The following HRC variants were observed in gnomAD, a reference collection of about 807,000 sequenced individuals.
The protein encoded by HRC is sarcoplasmic reticulum histidine-rich calcium-binding protein.
HRC carries 41 observed loss-of-function variants against 61.4 expected under a neutral mutation model. The observed-to-expected ratio is 0.67, with a 90% CI of 0.52 to 0.87. The LOEUF (loss-of-function observed/expected upper bound fraction) is 0.87. HRC is among the 40% of genes least tolerant of loss of function. HRC has a pLI of 0.00. For missense variants in HRC, 839 were observed against 885.8 expected (o/e 0.95, Z 0.67); for synonymous variants, 308 against 326.6 (o/e 0.94, Z 0.62).
Position 49,153,788 on chromosome 19 carries a change from C to T in HRC, c.1450G>A (p.Glu484Lys), listed in dbSNP as rs776405960. Reference sequence around the variant, plus strand: ...GGGTCCTCTTCCTTCTCCTTTTCCTCCTCAGAATCATCCTTCCTCAAATGG... The same window carrying T: ...GGGTCCTCTTCCTTCTCCTTTTCCTTCTCAGAATCATCCTTCCTCAAATGG... ...RSHLRKDDSE[E>K]EKEKEEDPGS... The change falls in exon 1 of 6, where the codon GAG (glutamate) becomes AAG (lysine). Residue 484 changes from glutamate to lysine, a missense_variant. By Grantham distance (56) the Glu-to-Lys change is moderately conservative (BLOSUM62 1). Coordinates refer to ENST00000252825, the MANE Select transcript of HRC (RefSeq NM_002152.3). This position sits in a 1 kb window ranked among gnomAD's most constrained non-coding sequence, Gnocchi z 4.8. The T allele has an allele frequency of 1.9e-6, 3 of 1,614,170 alleles. No homozygotes were observed. In the South Asian group the frequency reaches 3.3e-5, roughly 18 times the overall value.
chr19:49,152,148 C>A, intron 3 of HRC, 90 bp from the exon 4 acceptor site: 1 of 1,321,652 alleles, frequency 7.6e-7, no homozygotes. Context: ...GGACCAGAGG[C>A]TAGGTCTAGG....
Position 49,154,637 on chromosome 19 carries a change from C to T in HRC, c.601G>A (p.Glu201Lys). ...TACTCAGTGGAGGCCTCCTCTTCCT[C>T]CTCCTCCTCCTCCTCCTCCTCTTCT... is the stretch of plus-strand genomic sequence containing the variant. ...EGEEEEEEEE[E>K]EEEASTEYGH... is the part of the protein sequence containing the mutation. The change falls in exon 1 of 6, where the codon GAG becomes AAG. Residue 201 changes from glutamate (E) to lysine (K), a missense_variant. Coordinates refer to ENST00000252825, the MANE Select transcript of HRC (RefSeq NM_002152.3). 1.9e-6 allele frequency: 3 copies of T among 1,591,100 alleles called. No homozygotes were observed. The highest frequency in any genetic ancestry group is 1.1e-5 in the South Asian group (1 of 88,778).
chr19:49,151,442 G>A (rs1017555851), intron 5 of HRC, 75 bp downstream of exon 5: 5 of 1,587,800 alleles, frequency 3.1e-6, no homozygotes, highest in Middle Eastern at 1.7e-4. Context: ...GAGTCCCAGA[G>A]TCATCTGATA....
chr19:49,152,045 C>A lies in HRC; in HGVS notation c.1985G>T (p.Cys662Phe), dbSNP rs1365289719. 3 of 1,614,072 alleles carry A rather than the reference C, an allele frequency of 1.9e-6. No individual in the cohort carries two copies. Among genetic ancestry groups the A allele is most frequent in the African/African-American group, 2.7e-5 (2 of 74,944 alleles). ...TTCGCAGACCAGCGGGCAGAGATAG[C>A]AGAACTGACAGTGCTGGAGGCGGGG... is the stretch of plus-strand genomic sequence containing the variant. The part of the protein sequence containing the change: ...HCDQCQHCQF[C>F]YLCPLVCETV... The change falls in exon 4 of 6, where the codon TGC (cysteine) becomes TTC (phenylalanine). Residue 662 changes from cysteine (C) to phenylalanine (F), a missense_variant. Physicochemically the swap from Cys to Phe is radical, Grantham distance 205. Transcript: ENST00000252825.
Position 49,151,349 on chromosome 19 carries a change from C to G in HRC, c.2064-17G>C, listed in dbSNP as rs769414879. 40 of 1,556,454 alleles carry G rather than the reference C, an allele frequency of 2.6e-5. No homozygotes were observed. The highest frequency in any genetic ancestry group is 3.5e-5 in the Non-Finnish European group (40 of 1,147,720). ...GCCAGGGCCCTGGAGACGAGAACGCCAGAAGTTAGACAGCTGGTGTTCAAA... is the reference window on the plus strand; with the variant it reads ...GCCAGGGCCCTGGAGACGAGAACGCGAGAAGTTAGACAGCTGGTGTTCAAA... On this transcript the variant is annotated splice_polypyrimidine_tract_variant and intron_variant, in intron 5 of 5. Coordinates refer to ENST00000252825, the MANE Select transcript of HRC (RefSeq NM_002152.3).
chr19:49,154,417 T>G lies in HRC; in HGVS notation c.821A>C (p.Gln274Pro), dbSNP rs770347950. 6.3e-7 allele frequency: 1 copy of G among 1,584,196 alleles called. No homozygotes were observed. ...IEYRHQAHRH[Q>P]GHGIEEDEDV... ...TTCATCCTCTTCAATCCCGTGGCCTTGGTGCCTGTGAGCCTGGTGTCTATA... is the reference window on the plus strand; with the variant it reads ...TTCATCCTCTTCAATCCCGTGGCCTGGGTGCCTGTGAGCCTGGTGTCTATA... The change falls in exon 1 of 6, where the codon CAA becomes CCA. Residue 274 changes from glutamine (Q) to proline (P), a missense_variant. By Grantham distance (76) the Gln-to-Pro change is moderately conservative. Transcript: ENST00000252825.
rs1199947562 is a variant in HRC, at chr19:49,153,746, C to T, written c.1492G>A (p.Asp498Asn). The T allele has an allele frequency of 1.9e-6, 3 of 1,614,190 alleles. No homozygotes were observed. Among genetic ancestry groups the T allele is most frequent in the Non-Finnish European group, 2.5e-6 (3 of 1,180,042 alleles). The change falls in exon 1 of 6, where the codon GAC becomes AAC. Residue 498 changes from aspartate to asparagine, a missense_variant. Physicochemically the swap from Asp to Asn is conservative, Grantham distance 23. Transcript: ENST00000252825. The surrounding 1 kb of genome is among the most constrained non-coding windows in gnomAD (Gnocchi z 4.8). The part of the protein sequence containing the change: ...KEEDPGSHEE[D>N]DESSEQGEKG... Reference sequence around the variant, plus strand: ...TCTCCCTGCTCTGAACTTTCATCGTCTTCCTCATGGGAGCCGGGGTCCTCT... The same window carrying T: ...TCTCCCTGCTCTGAACTTTCATCGTTTTCCTCATGGGAGCCGGGGTCCTCT...
chr19:49,151,236 T>C lies in HRC; in HGVS notation c.*60A>G. 4 of 1,369,732 alleles carry C rather than the reference T, an allele frequency of 2.9e-6. No individual in the cohort carries two copies. The highest frequency in any genetic ancestry group is 4.0e-6 in the Non-Finnish European group (4 of 1,003,782). 84.8% of individuals were successfully genotyped at this position (1,369,732 alleles called of 1,614,324 possible). ...GTTTATTCGGAGAAATAAATATAGC[T>C]CGTGGAAAGGGGTTGGAAGGCAGGG... On this transcript the variant is annotated 3_prime_UTR_variant, in exon 6 of 6. Coordinates refer to ENST00000252825, the MANE Select transcript of HRC (RefSeq NM_002152.3).
At chr19:49,152,241 G>A in intron 3 of HRC, 69 bp downstream of exon 3, 1 of 1,432,454 alleles carries the variant, frequency 7.0e-7, no homozygotes, top group South Asian at 1.2e-5. Context: ...ATTTAGGGCT[G>A]GGGGTCCTCA....
chr19:49,152,568 T>G (rs2041372245), intron 2 of HRC, among the ~76,000 whole-genome samples, 190 bp from the exon 3 acceptor site: 1 of 141,228 alleles, frequency 7.1e-6, no homozygotes, highest in Admixed American at 7.1e-5. Context: ...TTCCTTTCCC[T>G]TTTTTTCCTT....
chr19:49,151,837 G>A (rs1005601290), intron 4 of HRC, 167 bp downstream of exon 4: 1 of 691,326 alleles, frequency 1.4e-6, no homozygotes, highest in East Asian at 2.7e-5. Flanking sequence ...AACTCCACCT[G>A]GTGTTCCTCG....
Position 49,153,798 on chromosome 19 carries a change from A to C in HRC, c.1440T>G (p.Asp480Glu). ...CCTTCTCCTTTTCCTCCTCAGAATC[A>C]TCCTTCCTCAAATGGCTTCTATCCT... ...VVKDRSHLRK[D>E]DSEEEKEKEE... The change falls in exon 1 of 6, where the codon GAT becomes GAG. Residue 480 changes from aspartate to glutamate, a missense_variant. Coordinates refer to ENST00000252825, the MANE Select transcript of HRC (RefSeq NM_002152.3). The surrounding 1 kb of genome is among the most constrained non-coding windows in gnomAD (Gnocchi z 4.8). 6.2e-7 allele frequency: 1 copy of C among 1,613,712 alleles called. No homozygotes were observed. Among genetic ancestry groups the C allele is most frequent in the South Asian group, 1.1e-5 (1 of 91,060 alleles).
chr19:49,154,306 G>A lies in HRC; in HGVS notation c.932C>T (p.Ser311Phe). ...EEDDNDDDDV[S>F]TEYGHQAHRH... ...GTGGGCCTGGTGTCCATACTCAGTGGAGACATCATCATCATCATTGTCATC... is the reference window on the plus strand; with the variant it reads ...GTGGGCCTGGTGTCCATACTCAGTGAAGACATCATCATCATCATTGTCATC... Residue 311 changes from serine (S) to phenylalanine (F), a missense_variant, in exon 1 of 6, where the codon TCC becomes TTC. By Grantham distance (155) the Ser-to-Phe change is radical. Coordinates refer to ENST00000252825, the MANE Select transcript of HRC (RefSeq NM_002152.3). 1.2e-6 allele frequency: 2 copies of A among 1,613,370 alleles called. 1 individual carries two copies. Among genetic ancestry groups the A allele is most frequent in the South Asian group, 2.2e-5 (2 of 91,032 alleles).
chr19:49,152,436 GC>G (rs2041370631), intron 2 of HRC, 58 bp from the exon 3 acceptor site: 1 of 1,404,352 alleles, frequency 7.1e-7, no homozygotes. Context: ...GGAGGTACCC[GC>G]CCCTGGCCCA....
chr19:49,151,730 A>T (rs533625844), intron 4 of HRC, among the ~76,000 whole-genome samples, 177 bp from the exon 5 acceptor site: 5 of 152,102 alleles, frequency 3.3e-5, no homozygotes, highest in Non-Finnish European at 7.4e-5. Context: ...GTTCTCCAGT[A>T]GCCCCGCCCC....
At position 49,153,442 on chromosome 19, in the gene HRC, C is replaced by T. The variant is rs759552944; in HGVS notation, c.1796G>A (p.Gly599Asp). 2.5e-6 allele frequency: 4 copies of T among 1,605,520 alleles called. No individual in the cohort carries two copies. In the South Asian group the frequency reaches 4.4e-5, roughly 18 times the overall value. The change falls in exon 1 of 6, where the codon GGT (glycine) becomes GAT (aspartate). Residue 599 changes from glycine (G) to aspartate (D), a missense_variant. Coordinates refer to ENST00000252825, the MANE Select transcript of HRC (RefSeq NM_002152.3). This position sits in a 1 kb window ranked among gnomAD's most constrained non-coding sequence, Gnocchi z 4.8. ...NPLDRREEAG[G>D]ASSEEESGED... is the part of the protein sequence containing the mutation. ...ACCGCTTTCCTCCTCGCTGGAGGCA[C>T]CTCCAGCCTCCTCTCTCCTGTCCAG...
Position 49,154,072 on chromosome 19 carries a change from T to C in HRC, c.1166A>G (p.His389Arg), listed in dbSNP as rs754654556. 4.3e-6 allele frequency: 7 copies of C among 1,614,188 alleles called. No homozygotes were observed. The South Asian group carries it at 7.7e-5, about 18-fold the overall frequency. Residue 389 changes from histidine (H) to arginine (R), a missense_variant, in exon 1 of 6, where the codon CAC (histidine) becomes CGC (arginine). By Grantham distance (29) the His-to-Arg change is conservative (BLOSUM62 0). Coordinates refer to ENST00000252825, the MANE Select transcript of HRC (RefSeq NM_002152.3). Reference sequence around the variant, plus strand: ...TCGAGGTTGGTGGCTTGCAACATAGTGGCCGAACTGGACTGTGATCTCCTC... The same window carrying C: ...TCGAGGTTGGTGGCTTGCAACATAGCGGCCGAACTGGACTGTGATCTCCTC... Reference protein sequence around the residue: ...EEEEITVQFGHYVASHQPRGH... With the variant: ...EEEEITVQFGRYVASHQPRGH...
At chr19:49,151,381 C>G (rs764056901) in intron 5 of HRC, 49 bp from the exon 6 acceptor site, 14 of 1,560,078 alleles carry the variant, frequency 9.0e-6, no homozygotes, top group Non-Finnish European at 1.0e-5. Context: ...CAAAGCCCAC[C>G]CCAGGACGCT....
At chr19:49,152,170 G>A in intron 3 of HRC, 112 bp from the exon 4 acceptor site, 1 of 1,288,802 alleles carries the variant, frequency 7.8e-7, no homozygotes, top group Non-Finnish European at 1.1e-6. Flanking sequence ...TAAGGTTGGA[G>A]TCAGGATCGC....
Sources: allele counts gnomAD v4.1 joint callset (sites outside exome capture counted in the v4.1 genomes callset), GRCh38; gene constraint gnomAD v4.1.1; non-coding constraint Gnocchi (gnomAD v3.1); transcripts MANE v1.5; gene names NCBI Gene and HGNC (gene_info 2026-07-23, HGNC 2026-07-21).